The following ARMH4 variants were observed in gnomAD, a reference collection of about 807,000 sequenced individuals.
ARMH4 encodes the protein armadillo-like helical domain-containing protein 4.
Under a neutral mutation model 61.9 loss-of-function variants are expected in ARMH4, and 49 were observed. The ratio of observed to expected loss-of-function variants is 0.79; its 90% CI spans 0.63 to 1.00. The LOEUF (loss-of-function observed/expected upper bound fraction) is 1.00. ARMH4 is among the 50% of genes least tolerant of loss of function. ARMH4 has a pLI of 0.00. For missense variants in ARMH4, 934 were observed against 930.0 expected (o/e 1.00, Z -0.06); for synonymous variants, 368 against 341.5 (o/e 1.08, Z -0.85).
intron 5 of ARMH4, among the ~76,000 whole-genome samples, chr14:58,040,983 G>A (rs72714781): frequency 0.042 from 6,461 of 152,228 alleles, 156 homozygotes; most frequent in Middle Eastern, 0.051. Flanking sequence ...GTCAGGGGGC[G>A]GTTCCAAGAT....
intron 1 of ARMH4, chr14:58,141,372 G>A (rs1594782708): frequency 2.0e-6 from 1 of 512,164 alleles, no homozygotes; most frequent in East Asian, 5.0e-5. Flanking sequence ...CCAAAATTCA[G>A]GACAAGGAGG....
At chr14:58,093,132 A>C (rs534367914) in intron 5 of ARMH4, among the ~76,000 whole-genome samples, 2 of 152,254 alleles carry the variant, frequency 1.3e-5, no homozygotes, top group Admixed American at 6.5e-5. Context: ...CAGGTGAGGA[A>C]AGACATGTTT....
intron 5 of ARMH4, among the ~76,000 whole-genome samples, chr14:58,072,936 T>C (rs1884932076): frequency 6.6e-6 from 1 of 152,194 alleles, no homozygotes; most frequent in South Asian, 2.1e-4. Context: ...CTTCTGTGTA[T>C]ATTTCATTAA....
intron 5 of ARMH4, among the ~76,000 whole-genome samples, chr14:58,032,703 C>T (rs1883295685): frequency 1.3e-5 from 2 of 148,708 alleles, no homozygotes; most frequent in South Asian, 2.1e-4. Flanking sequence ...GCGCACCGTG[C>T]GCGAGCCGAA....
At chr14:58,126,043 G>A (rs915003443) in intron 4 of ARMH4, among the ~76,000 whole-genome samples, 1 of 152,050 alleles carries the variant, frequency 6.6e-6, no homozygotes, top group African/African-American at 2.4e-5. Flanking sequence ...ACAATGATCG[G>A]GATATAAACC....
chr14:58,042,985 C>A (rs1883781475), intron 5 of ARMH4, among the ~76,000 whole-genome samples: 1 of 152,078 alleles, frequency 6.6e-6, no homozygotes, highest in Non-Finnish European at 1.5e-5. Context: ...CAAAAAAAGT[C>A]CAGGACCAGA....
intron 5 of ARMH4, among the ~76,000 whole-genome samples, chr14:58,089,657 G>C (rs117729040): frequency 0.011 from 1,649 of 152,284 alleles, 14 homozygotes; most frequent in Non-Finnish European, 0.015. Context: ...TAGCAGTTCT[G>C]CATTTTTCTA....
In ARMH4 at chr14:58,093,575, T is replaced by C. The variant is rs567112707; in HGVS notation, c.2089+3149A>G. Among the ~76,000 whole-genome samples, 5 of 152,312 alleles carry C rather than the reference T, an allele frequency of 3.3e-5. No individual in the cohort carries two copies. The East Asian group carries it at 7.7e-4, about 24-fold the overall frequency. On this transcript the variant is annotated intron_variant, in intron 5 of 7. Coordinates refer to ENST00000267485, the MANE Select transcript of ARMH4 (RefSeq NM_001001872.4). ...TTCACAGGTTCCAGATGTTAGGACA[T>C]AGACATCTTCGGGGAGCCATTATCA...
chr14:58,085,855 C>G (rs973446099), intron 5 of ARMH4, among the ~76,000 whole-genome samples: 20 of 152,148 alleles, frequency 1.3e-4, no homozygotes, highest in Non-Finnish European at 1.2e-4. Flanking sequence ...CCAACAGCTC[C>G]TACAGGGCAT....
Position 58,139,331 on chromosome 14 carries a change from AAATGTGC to A in ARMH4, c.21_27del (p.Leu7PhefsTer23). On this transcript the variant is annotated frameshift_variant, in exon 2 of 8. Transcript: ENST00000267485. LOFTEE classifies it high-confidence loss of function. ...AGCAGAAGGCTACAGAAAGCCAGAC[AAATGTGC>A]AATACAATCGGTCCTCTCATAGTGG... The A allele has an allele frequency of 6.2e-7, 1 of 1,614,196 alleles. No individual in the cohort carries two copies. The highest frequency in any genetic ancestry group is 8.5e-7 in the Non-Finnish European group (1 of 1,180,030).
Position 58,148,447 on chromosome 14 carries a change from T to C in ARMH4, c.-57+3628A>G, listed in dbSNP as rs570096076. Among the ~76,000 whole-genome samples the C allele has an allele frequency of 2.0e-4, 30 of 152,306 alleles. No individual in the cohort carries two copies. The South Asian group carries it at 6.0e-3, about 30-fold the overall frequency. On this transcript the variant is annotated intron_variant, in intron 1 of 7. Coordinates refer to ENST00000267485, the MANE Select transcript of ARMH4 (RefSeq NM_001001872.4). ...GGTCACATCCCATTCTGGCCCATTC[T>C]TTCCCCACCCTTCTCCTAGCTCCTG...
In ARMH4 at chr14:58,012,147, C is replaced by A; in HGVS notation, c.2093G>T (p.Arg698Ile). The A allele has an allele frequency of 7.1e-7, 1 of 1,414,280 alleles. No individual in the cohort carries two copies. The highest frequency in any genetic ancestry group is 9.6e-7 in the Non-Finnish European group (1 of 1,040,904). 87.6% of individuals were successfully genotyped at this position (1,414,280 alleles called of 1,614,324 possible). A position where few individuals can be genotyped will look rare whatever the true frequency, so the allele number is the denominator to read the frequency against. The change falls in exon 6 of 8, where the codon AGA (arginine) becomes ATA (isoleucine). Residue 698 changes from arginine to isoleucine, a missense_variant. Transcript: ENST00000267485. Reference sequence around the variant, plus strand: ...GTCTTTTAATTTTTCCATCCAGCTTCTCACTAGGAAAAAAATAAGATAATA... The same window carrying A: ...GTCTTTTAATTTTTCCATCCAGCTTATCACTAGGAAAAAAATAAGATAATA... ...EWEQQNQGLVRSWMEKLKDKA... is the reference protein window; with the variant it reads ...EWEQQNQGLVISWMEKLKDKA...
rs972063922 is a variant in ARMH4, at chr14:58,056,931, C to G, written c.2089+39793G>C. 3.7e-4 allele frequency among the ~76,000 whole-genome samples: 56 copies of G among 152,110 alleles called. 1 individual carries two copies. The highest frequency in any genetic ancestry group is 2.4e-4 in the Non-Finnish European group (16 of 68,022). Reference sequence around the variant, plus strand: ...AGTGATGTGCAACTCAGGGCCCACACCTGAAGAGAGTAAGTTTGCCTCCTT... The same window carrying G: ...AGTGATGTGCAACTCAGGGCCCACAGCTGAAGAGAGTAAGTTTGCCTCCTT... On this transcript the variant is annotated intron_variant, in intron 5 of 7. Coordinates refer to ENST00000267485, the MANE Select transcript of ARMH4 (RefSeq NM_001001872.4).
At chr14:58,015,629 G>C (rs756321423) in intron 5 of ARMH4, among the ~76,000 whole-genome samples, 1 of 151,658 alleles carries the variant, frequency 6.6e-6, no homozygotes, top group East Asian at 1.9e-4. Context: ...AACAGTTTTC[G>C]GTAAAACATT....
chr14:58,044,346 C>G (rs1036727627), intron 5 of ARMH4, among the ~76,000 whole-genome samples: 1 of 152,026 alleles, frequency 6.6e-6, no homozygotes, highest in African/African-American at 2.4e-5. Flanking sequence ...ACAAACCTGA[C>G]AAAAACAAGA....
chr14:58,117,591 C>T (rs560263984), intron 4 of ARMH4, among the ~76,000 whole-genome samples: 8 of 152,218 alleles, frequency 5.3e-5, no homozygotes, highest in African/African-American at 1.9e-4. Flanking sequence ...CCCCACTTCC[C>T]AGGATCAAGC....
chr14:58,043,241 A>T (rs1214467127), intron 5 of ARMH4, among the ~76,000 whole-genome samples: 1 of 152,198 alleles, frequency 6.6e-6, no homozygotes, highest in Non-Finnish European at 1.5e-5. Context: ...CAGCACATCA[A>T]AAAGCTTACC....
intron 5 of ARMH4, among the ~76,000 whole-genome samples, chr14:58,076,056 A>G (rs995566985): frequency 1.4e-5 from 2 of 146,654 alleles, no homozygotes; most frequent in Non-Finnish European, 3.0e-5. Context: ...AAGAAAGAAG[A>G]AGGAGGAAGA....
At chr14:58,061,895 G>A (rs1273438914) in intron 5 of ARMH4, among the ~76,000 whole-genome samples, 1 of 151,902 alleles carries the variant, frequency 6.6e-6, no homozygotes, top group Non-Finnish European at 1.5e-5. Flanking sequence ...TCAGAATCCA[G>A]CTTGCACTGG....
Sources: allele counts gnomAD v4.1 joint callset (sites outside exome capture counted in the v4.1 genomes callset), GRCh38; gene constraint gnomAD v4.1.1; transcripts MANE v1.5; gene names NCBI Gene and HGNC (gene_info 2026-07-23, HGNC 2026-07-21).